The following VIRMA variants were observed in gnomAD, a reference collection of about 807,000 sequenced individuals.
VIRMA encodes the protein protein virilizer homolog.
Under a neutral mutation model 182.4 loss-of-function variants are expected in VIRMA, and 65 were observed. That is an observed-to-expected ratio of 0.36 (90% confidence interval 0.29 to 0.44). VIRMA has a LOEUF of 0.44. Among genes scored for constraint, VIRMA ranks in the 20% least tolerant of loss-of-function variants. The pLI is 1.00. For missense variants in VIRMA, 1,752 were observed against 2,158.1 expected (o/e 0.81, Z 3.73); for synonymous variants, 709 against 743.1 (o/e 0.95, Z 0.75).
intron 5 of VIRMA, 23 bp downstream of exon 5, chr8:94,534,816 A>T: frequency 6.2e-7 from 1 of 1,610,380 alleles, no homozygotes; most frequent in South Asian, 1.1e-5. Flanking sequence ...TTTCACTTGC[A>T]AAAGCAAATT....
At chr8:94,524,948 T>A (rs150025175) in intron 8 of VIRMA, among the ~76,000 whole-genome samples, 1 of 152,322 alleles carries the variant, frequency 6.6e-6, no homozygotes, top group African/African-American at 2.4e-5. Context: ...TTCTATTCCT[T>A]CTAAGTATCC....
intron 16 of VIRMA, among the ~76,000 whole-genome samples, chr8:94,502,436 AATTTT>A (rs1216100750): frequency 1.3e-5 from 2 of 151,314 alleles, no homozygotes; most frequent in African/African-American, 2.4e-5. Context: ...TTTTAAAATA[AATTTT>A]ATAATTAAAA....
Position 94,534,985 on chromosome 8 carries a change from A to T in VIRMA, c.338T>A (p.Leu113Gln). ...NSKVNTDGLV[L>Q]RGWYNCLTLA... ...TGTCAGACAGTTATACCAGCCTCTT[A>T]GCACCAGACCATCAGTATTCACCTG... Residue 113 changes from leucine to glutamine, a missense_variant, in exon 5 of 24, where the codon CTA becomes CAA. Around this residue, in one of 11 missense-constraint regions of VIRMA, gnomAD observed 195 missense variants for 191.7 expected, o/e 1.02. Transcript: ENST00000297591. The T allele has an allele frequency of 1.2e-6, 2 of 1,604,714 alleles. No individual in the cohort carries two copies. Among genetic ancestry groups the T allele is most frequent in the Non-Finnish European group, 1.7e-6 (2 of 1,177,674 alleles).
At chr8:94,523,018 T>C (rs1814828979) in intron 8 of VIRMA, among the ~76,000 whole-genome samples, 1 of 152,214 alleles carries the variant, frequency 6.6e-6, no homozygotes, top group Non-Finnish European at 1.5e-5. Flanking sequence ...AGTAAGTATT[T>C]AATTACTAGC....
At chr8:94,540,700 G>A (rs1815520019) in intron 2 of VIRMA, among the ~76,000 whole-genome samples, 1 of 151,898 alleles carries the variant, frequency 6.6e-6, no homozygotes, top group Non-Finnish European at 1.5e-5. Context: ...GACCTCAGCT[G>A]ATCCACCCGC....
intron 18 of VIRMA, 122 bp from the exon 19 acceptor site, chr8:94,496,013 AATT>A (rs1813762044): frequency 7.6e-6 from 6 of 790,372 alleles, no homozygotes; most frequent in Middle Eastern, 5.5e-4. Flanking sequence ...ACTGTCCAGA[AATT>A]ATTAACATTA....
Position 94,494,874 on chromosome 8 carries a change from T to C in VIRMA, c.4627A>G (p.Thr1543Ala). Residue 1543 changes from threonine to alanine, a missense_variant, in exon 20 of 24, where the codon ACA (threonine) becomes GCA (alanine). This residue lies in a region of VIRMA where 777 missense variants were observed against 920.6 expected (regional missense o/e 0.84). Transcript: ENST00000297591. ...ATAATTTATACCAAATCCAGATCTG[T>C]ATCTATCTCTTCAGCCTGAAATGGA... The part of the protein sequence containing the change: ...FTPFQAEEID[T>A]DLDLVKVDLI... 1.3e-6 allele frequency: 2 copies of C among 1,575,550 alleles called. No homozygotes were observed. Among genetic ancestry groups the C allele is most frequent in the South Asian group, 1.1e-5 (1 of 89,302 alleles).
intron 13 of VIRMA, 97 bp from the exon 14 acceptor site, chr8:94,510,749 T>C: frequency 1.1e-6 from 1 of 899,416 alleles, no homozygotes; most frequent in Non-Finnish European, 1.7e-6. Context: ...AAAGAACATT[T>C]TTACTGCATG....
At chr8:94,491,143 A>G (rs183434014) in intron 22 of VIRMA, among the ~76,000 whole-genome samples, 4,683 of 130,498 alleles carry the variant, frequency 0.036, 177 homozygotes, top group East Asian at 0.092. Context: ...GCGAAAACCC[A>G]TCTCTACTAA....
chr8:94,505,547 C>T (rs3102842), intron 16 of VIRMA, among the ~76,000 whole-genome samples: 17,183 of 114,646 alleles, frequency 0.15, 1,383 homozygotes, highest in East Asian at 0.26. Flanking sequence ...ATCACTGCAG[C>T]GGCATGATCA....
rs568084121 is a variant in VIRMA at position 94,511,817 on chromosome 8, TATG to T, written c.2846-91_2846-89del. ...ATTATTAAAGTGAATATTTAATATT[TATG>T]ATAATTATATTTATAATAAATGATT... is the stretch of plus-strand genomic sequence containing the variant. On this transcript the variant is annotated intron_variant, in intron 12 of 23. Coordinates refer to ENST00000297591, the MANE Select transcript of VIRMA (RefSeq NM_015496.5). The T allele has an allele frequency of 9.5e-4, 709 of 743,736 alleles. 6 individuals are homozygous for T. The South Asian group carries it at 0.014, about 15-fold the overall frequency. The allele number at this position is 743,736 out of a possible 1,614,324, so 46.1% of individuals were successfully genotyped here. A position where few individuals can be genotyped will look rare whatever the true frequency, so the allele number is the denominator to read the frequency against.
At chr8:94,507,855 A>C (rs1043750678) in intron 15 of VIRMA, among the ~76,000 whole-genome samples, 2 of 146,730 alleles carry the variant, frequency 1.4e-5, no homozygotes, top group Non-Finnish European at 3.0e-5. Context: ...CTTTCAATCA[A>C]ATATTTCCCT....
At chr8:94,552,672 G>A (rs1816035803) in intron 1 of VIRMA, among the ~76,000 whole-genome samples, 1 of 152,000 alleles carries the variant, frequency 6.6e-6, no homozygotes, top group Non-Finnish European at 1.5e-5. Flanking sequence ...ATATTGCAGG[G>A]CCAATTGTAC....
Position 94,519,454 on chromosome 8 carries a change from A to G in VIRMA, c.2044T>C (p.Leu682=). 6.6e-7 allele frequency: 1 copy of G among 1,525,950 alleles called. No homozygotes were observed. The highest frequency in any genetic ancestry group is 8.8e-7 in the Non-Finnish European group (1 of 1,141,390). 94.5% of individuals were successfully genotyped at this position (1,525,950 alleles called of 1,614,324 possible). Residue 682 remains leucine, a synonymous_variant, in exon 9 of 24, where the codon TTG becomes CTG. Coordinates refer to ENST00000297591, the MANE Select transcript of VIRMA (RefSeq NM_015496.5). The part of the protein sequence containing the change: ...LFRYLHSHHF[L]ELVTLLLSIP... ...GACAGAAGCAAGGTAACCAACTCCA[A>G]GAAGTGATGACTGTGAAGATATCTG...
rs1816081409 is a variant in VIRMA, at chr8:94,553,427, C to A, written c.21G>T (p.Met7Ile). The A allele has an allele frequency of 6.2e-7, 1 of 1,614,200 alleles. No homozygotes were observed. Among genetic ancestry groups the A allele is most frequent in the South Asian group, 1.1e-5 (1 of 91,084 alleles). The change falls in exon 1 of 24, where the codon ATG becomes ATT. Residue 7 changes from methionine (M) to isoleucine (I), a missense_variant. Transcript: ENST00000297591. The stretch of plus-strand genomic sequence containing the variant: ...TAAAAGTATCTAAAAATAACAGCTC[C>A]ATCGCCGAGTCCACCGCCATGTTTG... MAVDSA[M>I]ELLFLDTFKH...
chr8:94,530,985 TTCA>T lies in VIRMA; in HGVS notation c.582_584del (p.Asp194del), dbSNP rs761135320. ...TACCTGGCAGAGGCACAGGATCATC[TTCA>T]TCATCATCAGGTGGAGGGGGTCCTG... is the stretch of plus-strand genomic sequence containing the variant. On this transcript the variant is annotated inframe_deletion, in exon 6 of 24. Transcript: ENST00000297591. 2.5e-6 allele frequency: 4 copies of T among 1,604,256 alleles called. No homozygotes were observed. The highest frequency in any genetic ancestry group is 2.2e-5 in the South Asian group (2 of 89,960).
chr8:94,488,673 T>C lies in VIRMA; in HGVS notation c.*33A>G, dbSNP rs1357751621. 1.7e-5 allele frequency: 27 copies of C among 1,608,826 alleles called. No homozygotes were observed. Among genetic ancestry groups the C allele is most frequent in the Non-Finnish European group, 2.2e-5 (26 of 1,175,734 alleles). On this transcript the variant is annotated 3_prime_UTR_variant, in exon 24 of 24. Transcript: ENST00000297591. Reference sequence around the variant, plus strand: ...TATTTTTATTGTCCTCGTGAAATGTTCATATACAGTTAAGATGTTCCCAAA... The same window carrying C: ...TATTTTTATTGTCCTCGTGAAATGTCCATATACAGTTAAGATGTTCCCAAA...
At chr8:94,491,168 G>A (rs1019751895) in intron 22 of VIRMA, among the ~76,000 whole-genome samples, 2 of 135,516 alleles carry the variant, frequency 1.5e-5, no homozygotes, top group Non-Finnish European at 3.1e-5. Flanking sequence ...ACAAAAATTA[G>A]TTGGGCATTG....
chr8:94,495,693 C>T, intron 19 of VIRMA, 38 bp downstream of exon 19: 1 of 1,578,412 alleles, frequency 6.3e-7, no homozygotes, highest in South Asian at 1.1e-5. Context: ...CATTTTAAAA[C>T]CAACAGCTAT....
Sources: allele counts gnomAD v4.1 joint callset (sites outside exome capture counted in the v4.1 genomes callset), GRCh38; gene constraint gnomAD v4.1.1; regional missense constraint gnomAD v4.1.1; transcripts MANE v1.5; gene names NCBI Gene and HGNC (gene_info 2026-07-23, HGNC 2026-07-21).